The following SBF2 variants were observed in gnomAD, a reference collection of about 807,000 sequenced individuals.
SBF2 encodes the protein myotubularin-related protein 13.
SBF2 carries 112 observed loss-of-function variants against 225.2 expected under a neutral mutation model. The observed-to-expected ratio is 0.50, with a 90% CI of 0.43 to 0.58. The LOEUF (loss-of-function observed/expected upper bound fraction) is 0.58. Ranked by LOEUF, SBF2 falls within the 20% of genes least tolerant of loss-of-function variation. SBF2 has a pLI of 0.00. For missense variants in SBF2, 1,996 were observed against 2,206.2 expected, an observed-to-expected ratio of 0.90 and a Z score of 1.91; for synonymous variants, 763 against 773.3, an observed-to-expected ratio of 0.99 and a Z score of 0.22.
chr11:9,993,036 A>G lies in SBF2; in HGVS notation c.1121T>C (p.Leu374Pro), dbSNP rs2134472059. ...CTCTGCATGAATTCTTATAAGTTGC[A>G]GGCAGGATCTATATCCTTGGAAGAG... ...AQLFQGYRSCLQLIRIHAEPV... is the reference protein window; with the variant it reads ...AQLFQGYRSCPQLIRIHAEPV... The change falls in exon 11 of 40, where the codon CTG (leucine) becomes CCG (proline). Residue 374 changes from leucine (L) to proline (P), a missense_variant. Coordinates refer to ENST00000256190, the MANE Select transcript of SBF2 (RefSeq NM_030962.4). 6.2e-7 allele frequency: 1 copy of G among 1,612,778 alleles called. No individual in the cohort carries two copies. The highest frequency in any genetic ancestry group is 8.5e-7 in the Non-Finnish European group (1 of 1,179,674).
chr11:10,244,334 A>G (rs1959546312), intron 1 of SBF2, among the ~76,000 whole-genome samples: 2 of 152,252 alleles, frequency 1.3e-5, no homozygotes, highest in South Asian at 4.2e-4. Flanking sequence ...TGTTTTGCAT[A>G]TGGATATCCA....
In SBF2 at chr11:9,790,879, C is replaced by T. The variant is rs553305462; in HGVS notation, c.4571-196G>A. The stretch of plus-strand genomic sequence containing the variant: ...ATTTCATCGCTACAGGGAAACAGAT[C>T]CAGATGGAGGAAACATCTGATAAAG... On this transcript the variant is annotated intron_variant, in intron 33 of 39. Coordinates refer to ENST00000256190, the MANE Select transcript of SBF2 (RefSeq NM_030962.4). 6.6e-5 allele frequency: 32 copies of T among 481,236 alleles called. No individual in the cohort carries two copies. In the East Asian group the frequency reaches 1.2e-3, roughly 18 times the overall value. The allele number at this position is 481,236 out of a possible 1,614,324, so 29.8% of individuals were successfully genotyped here.
At chr11:9,821,686 T>C (rs951254390) in intron 28 of SBF2, among the ~76,000 whole-genome samples, 3 of 152,200 alleles carry the variant, frequency 2.0e-5, no homozygotes, top group Non-Finnish European at 2.9e-5. Context: ...CAAATCAGTA[T>C]TTTTTTCAAA....
chr11:10,179,366 CAAAAAACAAAAACAAAAAAACAAA>C (rs1236297495), intron 2 of SBF2, among the ~76,000 whole-genome samples: 1 of 119,424 alleles, frequency 8.4e-6, no homozygotes, highest in Non-Finnish European at 1.9e-5. Flanking sequence ...AAAAAACAAA[CAAAAAACAAAAACAAAAAAACAAA>C]AAAAAACAAA....
intron 2 of SBF2, among the ~76,000 whole-genome samples, chr11:10,084,033 C>A (rs1011531775): frequency 6.6e-6 from 1 of 152,044 alleles, no homozygotes; most frequent in Non-Finnish European, 1.5e-5. Flanking sequence ...TTATGCACAG[C>A]AAAAGAAATA....
chr11:9,885,021 C>T (rs767052139), intron 17 of SBF2, among the ~76,000 whole-genome samples: 3 of 151,770 alleles, frequency 2.0e-5, no homozygotes, highest in South Asian at 2.1e-4. Flanking sequence ...GAGACTGAGG[C>T]GGACGGATCA....
At chr11:9,995,885 C>T (rs1051496864) in intron 9 of SBF2, among the ~76,000 whole-genome samples, 8 of 149,814 alleles carry the variant, frequency 5.3e-5, no homozygotes, top group African/African-American at 1.7e-4. Context: ...GTCTCGAACT[C>T]CTGACCTCAG....
chr11:10,015,706 A>G (rs1948622609), intron 6 of SBF2, among the ~76,000 whole-genome samples: 1 of 152,214 alleles, frequency 6.6e-6, no homozygotes, highest in African/African-American at 2.4e-5. Flanking sequence ...GCATTAACAG[A>G]CCTACAAGTA....
intron 16 of SBF2, among the ~76,000 whole-genome samples, chr11:9,901,049 T>A (rs1861683262): frequency 6.6e-6 from 1 of 152,200 alleles, no homozygotes; most frequent in Non-Finnish European, 1.5e-5. Flanking sequence ...CATTTTAAAA[T>A]TTACTTATGG....
rs986821080 is a variant in SBF2 at position 10,012,195 on chromosome 11, T to C, written c.620-9506A>G. ...GGGTCTTACTCTGTTGCTCAGGCTG[T>C]AGTGCAGTGGCATAATCACAGCTCA... is the stretch of plus-strand genomic sequence containing the variant. On this transcript the variant is annotated intron_variant, in intron 6 of 39. Coordinates refer to ENST00000256190, the MANE Select transcript of SBF2 (RefSeq NM_030962.4). 3.9e-5 allele frequency among the ~76,000 whole-genome samples: 6 copies of C among 152,176 alleles called. No homozygotes were observed. In the South Asian group the frequency reaches 6.2e-4, roughly 16 times the overall value.
intron 2 of SBF2, among the ~76,000 whole-genome samples, chr11:10,125,277 C>G (rs557104547): frequency 6.6e-6 from 1 of 151,964 alleles, no homozygotes; most frequent in Non-Finnish European, 1.5e-5. Context: ...CAACAGACTA[C>G]GAGATTCGAT....
chr11:9,841,234 A>AT (rs1856114254), intron 25 of SBF2, among the ~76,000 whole-genome samples: 1 of 152,188 alleles, frequency 6.6e-6, no homozygotes, highest in South Asian at 2.1e-4. Flanking sequence ...TTGGCCTTTA[A>AT]TTTTCAGAGG....
At chr11:9,977,789 G>A (rs1293472614) in intron 13 of SBF2, among the ~76,000 whole-genome samples, 2 of 151,994 alleles carry the variant, frequency 1.3e-5, no homozygotes, top group African/African-American at 4.8e-5. Flanking sequence ...TTAATTATTT[G>A]GGAAGCTCCA....
chr11:10,151,146 C>T (rs1035181900), intron 2 of SBF2, among the ~76,000 whole-genome samples: 1 of 152,118 alleles, frequency 6.6e-6, no homozygotes, highest in Non-Finnish European at 1.5e-5. Flanking sequence ...CCTTCAGGGA[C>T]GCAATAACAT....
At chr11:10,279,267 G>T (rs1242350496) in intron 1 of SBF2, among the ~76,000 whole-genome samples, 1 of 151,770 alleles carries the variant, frequency 6.6e-6, no homozygotes, top group Non-Finnish European at 1.5e-5. Flanking sequence ...CAAAAACTTA[G>T]CCGGGCATGG....
chr11:9,842,381 C>T (rs1037340149), intron 25 of SBF2, among the ~76,000 whole-genome samples: 2 of 152,212 alleles, frequency 1.3e-5, no homozygotes, highest in African/African-American at 4.8e-5. Flanking sequence ...TAATGAGACA[C>T]ACATAAAAAT....
At chr11:10,173,971 T>C (rs1462407940) in intron 2 of SBF2, among the ~76,000 whole-genome samples, 1 of 151,736 alleles carries the variant, frequency 6.6e-6, no homozygotes, top group African/African-American at 2.4e-5. Context: ...GAAGGAAAAC[T>C]AACAAACAGA....
intron 1 of SBF2, among the ~76,000 whole-genome samples, chr11:10,230,565 T>TA (rs1389801238): frequency 6.6e-6 from 1 of 152,212 alleles, no homozygotes; most frequent in Non-Finnish European, 1.5e-5. Flanking sequence ...CTCCTTCACT[T>TA]ATGAAGCTTA....
At position 10,192,012 on chromosome 11, in the gene SBF2, C is replaced by T. The variant is rs539153669; in HGVS notation, c.141+1890G>A. 3.3e-5 allele frequency among the ~76,000 whole-genome samples: 5 copies of T among 152,236 alleles called. No individual in the cohort carries two copies. The East Asian group carries it at 9.6e-4, about 29-fold the overall frequency. On this transcript the variant is annotated intron_variant, in intron 2 of 39. Coordinates refer to ENST00000256190, the MANE Select transcript of SBF2 (RefSeq NM_030962.4). ...TTAAATTGGTATAGTTTATATCTCT[C>T]CACACTTTGATGTGAATGGAGGTAG...
Sources: allele counts gnomAD v4.1 joint callset (sites outside exome capture counted in the v4.1 genomes callset), GRCh38; gene constraint gnomAD v4.1.1; transcripts MANE v1.5; gene names NCBI Gene and HGNC (gene_info 2026-07-23, HGNC 2026-07-21).